Variants in TSGA10 observed in about 807,000 individuals in gnomAD.
The protein encoded by TSGA10 is testis-specific gene 10 protein.
TSGA10 carries 43 observed loss-of-function variants against 96.6 expected under a neutral mutation model. The observed-to-expected ratio is 0.44, with a 90% confidence interval of 0.35 to 0.57. TSGA10 has a LOEUF of 0.57. Among genes scored for constraint, TSGA10 ranks in the 20% least tolerant of loss-of-function variants. TSGA10 has a pLI of 0.01. For missense variants in TSGA10, 703 were observed against 834.4 expected (o/e 0.84, Z 1.94); for synonymous variants, 229 against 269.9 (o/e 0.85, Z 1.48).
chr2:99,092,056 T>G (rs1488941742), intron 10 of TSGA10, among the ~76,000 whole-genome samples: 1 of 152,134 alleles, frequency 6.6e-6, no homozygotes, highest in African/African-American at 2.4e-5. Flanking sequence ...TCAATAAATT[T>G]AAGAAAATTT....
At position 99,117,818 on chromosome 2, in the gene TSGA10, C is replaced by T. The variant is rs552185581; in HGVS notation, c.-355-59G>A. The T allele has an allele frequency of 6.9e-5, 59 of 850,086 alleles. No homozygotes were observed. In the South Asian group the frequency reaches 2.9e-3, roughly 42 times the overall value. 52.7% of individuals were successfully genotyped at this position (850,086 alleles called of 1,614,324 possible). On this transcript the variant is annotated intron_variant, in intron 3 of 20. Coordinates refer to ENST00000393483, the MANE Select transcript of TSGA10 (RefSeq NM_025244.4). ...AATTCCTTAGCTTTTTTCTGGGGAGCAGCTGTGTGACTGGAATCAGGAAGG... is the reference window on the plus strand; with the variant it reads ...AATTCCTTAGCTTTTTTCTGGGGAGTAGCTGTGTGACTGGAATCAGGAAGG...
chr2:99,112,874 G>A (rs773490871), intron 4 of TSGA10, among the ~76,000 whole-genome samples: 4 of 143,656 alleles, frequency 2.8e-5, no homozygotes, highest in Non-Finnish European at 6.2e-5. Flanking sequence ...CCCTTTGTTT[G>A]TGGGGGACAA....
intron 1 of TSGA10, among the ~76,000 whole-genome samples, chr2:99,134,494 G>A (rs901188485): frequency 2.0e-5 from 3 of 151,954 alleles, no homozygotes; most frequent in Non-Finnish European, 2.9e-5. Context: ...CTTTTTAAAG[G>A]TTCTTAGCTT....
chr2:99,037,824 G>A (rs2081786839), intron 16 of TSGA10, among the ~76,000 whole-genome samples: 1 of 151,670 alleles, frequency 6.6e-6, no homozygotes, highest in African/African-American at 2.4e-5. Context: ...CACTGCCCCT[G>A]GTCAACAAGA....
At chr2:99,133,478 T>C (rs535378145) in intron 1 of TSGA10, among the ~76,000 whole-genome samples, 37 of 152,340 alleles carry the variant, frequency 2.4e-4, no homozygotes, top group African/African-American at 8.4e-4. Flanking sequence ...CCTATGTGTG[T>C]CTTTGCATAT....
chr2:99,035,407 C>A lies in TSGA10; in HGVS notation c.1437G>T (p.Gln479His). The A allele has an allele frequency of 6.2e-7, 1 of 1,612,190 alleles. No homozygotes were observed. Among genetic ancestry groups the A allele is most frequent in the Non-Finnish European group, 8.5e-7 (1 of 1,178,938 alleles). ...CAACAGATTTATGTAAGGTAGAAAT[C>A]TGGGACTTGTAAGACCTTTCTGCAT... The part of the protein sequence containing the change: ...HLNAERSYKS[Q>H]ISTLHKSVVK... Residue 479 changes from glutamine to histidine, a missense_variant, in exon 17 of 21, where the codon CAG (glutamine) becomes CAT (histidine). Coordinates refer to ENST00000393483, the MANE Select transcript of TSGA10 (RefSeq NM_025244.4).
At chr2:99,013,766 A>G (rs1480403371) in intron 20 of TSGA10, among the ~76,000 whole-genome samples, 1 of 151,960 alleles carries the variant, frequency 6.6e-6, no homozygotes, top group Non-Finnish European at 1.5e-5. Context: ...CTGTAATCCC[A>G]GCATTTTGGG....
intron 4 of TSGA10, among the ~76,000 whole-genome samples, chr2:99,111,939 T>G (rs1173533494): frequency 6.6e-6 from 1 of 152,260 alleles, no homozygotes; most frequent in East Asian, 1.9e-4. Flanking sequence ...ACATCCTACA[T>G]ATAAACATAA....
At chr2:99,109,022 T>C in intron 6 of TSGA10, 31 bp from the exon 7 acceptor site, 1 of 1,481,696 alleles carries the variant, frequency 6.7e-7, no homozygotes, top group South Asian at 1.4e-5. Flanking sequence ...TGAAATCTTC[T>C]TTGATATATA....
intron 16 of TSGA10, among the ~76,000 whole-genome samples, chr2:99,052,942 G>A (rs1462741346): frequency 6.6e-6 from 1 of 151,760 alleles, no homozygotes; most frequent in Non-Finnish European, 1.5e-5. Context: ...TGCACTTGTA[G>A]TCTCAGCTAC....
intron 20 of TSGA10, among the ~76,000 whole-genome samples, chr2:98,999,577 T>C (rs566354293): frequency 8.5e-6 from 1 of 117,400 alleles, no homozygotes; most frequent in East Asian, 2.2e-4. Context: ...ACAACTAAAA[T>C]AAAATAAACT....
At chr2:99,105,834 A>C in intron 7 of TSGA10, 137 bp from the exon 8 acceptor site, 2 of 517,064 alleles carry the variant, frequency 3.9e-6, no homozygotes, top group Admixed American at 3.4e-5. Flanking sequence ...CTTTTATTTT[A>C]AAATAAGCTT....
intron 16 of TSGA10, among the ~76,000 whole-genome samples, chr2:99,061,975 C>A (rs2084744089): frequency 6.6e-6 from 1 of 152,072 alleles, no homozygotes; most frequent in Non-Finnish European, 1.5e-5. Flanking sequence ...CATTTGCAGA[C>A]CAAGGAGAGA....
intron 10 of TSGA10, among the ~76,000 whole-genome samples, chr2:99,083,613 C>T (rs1388817725): frequency 6.6e-6 from 1 of 152,144 alleles, no homozygotes; most frequent in East Asian, 1.9e-4. Flanking sequence ...AATTATGGTA[C>T]ATTCATACTA....
At chr2:99,032,567 AT>A (rs1453033729) in intron 17 of TSGA10, among the ~76,000 whole-genome samples, 1 of 152,202 alleles carries the variant, frequency 6.6e-6, no homozygotes, top group East Asian at 1.9e-4. Flanking sequence ...AAGAAAAAAA[AT>A]GTGAACACAA....
chr2:99,109,400 G>A lies in TSGA10; in HGVS notation c.40C>T (p.Pro14Ser). ...SRSKSPRRPS[P>S]TARGANCDVE... ...TTTATAAAACCTACCCGGGCAGTTG[G>A]TGATGGGCGTCTTGGACTTTTAGAC... The change falls in exon 6 of 21, where the codon CCA becomes TCA. Residue 14 changes from proline (P) to serine (S), a missense_variant. This residue lies in a region of TSGA10 where 585 missense variants were observed against 656.8 expected (regional missense o/e 0.89). Coordinates refer to ENST00000393483, the MANE Select transcript of TSGA10 (RefSeq NM_025244.4). 2 of 1,614,040 alleles carry A rather than the reference G, an allele frequency of 1.2e-6. No individual in the cohort carries two copies. Among genetic ancestry groups the A allele is most frequent in the Non-Finnish European group, 1.7e-6 (2 of 1,179,928 alleles).
intron 20 of TSGA10, among the ~76,000 whole-genome samples, chr2:99,014,993 A>C (rs1476357677): frequency 6.6e-6 from 1 of 152,190 alleles, no homozygotes; most frequent in Non-Finnish European, 1.5e-5. Flanking sequence ...TTAAAACAGT[A>C]ATAAAAAAAT....
At chr2:99,140,635 A>T (rs186592084) in intron 1 of TSGA10, among the ~76,000 whole-genome samples, 1 of 152,256 alleles carries the variant, frequency 6.6e-6, no homozygotes, top group Admixed American at 6.5e-5. Flanking sequence ...AAATTATCTG[A>T]GATTTTCATG....
intron 18 of TSGA10, among the ~76,000 whole-genome samples, chr2:99,019,062 G>C (rs535600157): frequency 6.6e-6 from 1 of 152,188 alleles, no homozygotes; most frequent in South Asian, 2.1e-4. Context: ...ATTCAACCAA[G>C]TGCCTTATAA....
Sources: allele counts gnomAD v4.1 joint callset (sites outside exome capture counted in the v4.1 genomes callset), GRCh38; gene constraint gnomAD v4.1.1; regional missense constraint gnomAD v4.1.1; transcripts MANE v1.5; gene names NCBI Gene and HGNC (gene_info 2026-07-23, HGNC 2026-07-21).